Variants in CDH8 observed in about 807,000 individuals in gnomAD.
CDH8 encodes the protein cadherin 8.
A neutral mutation model predicts 68.1 loss-of-function variants in CDH8; 17 were observed. The ratio of observed to expected loss-of-function variants is 0.25; its 90% CI spans 0.17 to 0.37. The LOEUF is 0.37. Ranked by LOEUF, CDH8 falls within the 10% of genes least tolerant of loss-of-function variation. The pLI, the probability that CDH8 is intolerant of heterozygous loss-of-function variation, is 1.00. For synonymous variants in CDH8, 372 were observed against 365.1 expected, an observed-to-expected ratio of 1.02 and a Z score of -0.21; for missense variants, 763 against 999.3, an observed-to-expected ratio of 0.76 and a Z score of 3.19.
chr16:61,838,368 G>A (rs533142855), intron 4 of CDH8, among the ~76,000 whole-genome samples: 2 of 152,214 alleles, frequency 1.3e-5, no homozygotes, highest in East Asian at 3.9e-4. Context: ...GGATATTGAA[G>A]TTCCACCTTT....
intron 2 of CDH8, among the ~76,000 whole-genome samples, chr16:61,999,812 T>G (rs1453830562): frequency 6.6e-6 from 1 of 152,126 alleles, no homozygotes; most frequent in East Asian, 1.9e-4. Context: ...TATTTTACTT[T>G]AAGTCCTGGG....
Position 62,034,404 on chromosome 16 carries a change from T to C in CDH8, c.-200+1676A>G, listed in dbSNP as rs2150625830. On this transcript the variant is annotated intron_variant, in intron 1 of 11. Coordinates refer to ENST00000577390, the MANE Select transcript of CDH8 (RefSeq NM_001796.5). ...CATAAACATCTTTCCCACATATAGT[T>C]TTCCAGTTGAAAAGCTCCTATAATA... Among the ~76,000 whole-genome samples, 2 of 152,262 alleles carry C rather than the reference T, an allele frequency of 1.3e-5. 1 individual carries two copies. The highest frequency in any genetic ancestry group is 4.1e-4 in the South Asian group (2 of 4,822).
chr16:61,995,271 G>T (rs1441315140), intron 2 of CDH8, among the ~76,000 whole-genome samples: 1 of 152,124 alleles, frequency 6.6e-6, no homozygotes, highest in African/African-American at 2.4e-5. Context: ...AAAACAAATT[G>T]TTTAGAGGCT....
chr16:61,928,697 G>A (rs552230486), intron 2 of CDH8, among the ~76,000 whole-genome samples: 9 of 152,146 alleles, frequency 5.9e-5, no homozygotes, highest in African/African-American at 1.9e-4. Context: ...CTATGAAAAT[G>A]GGTGATATAA....
chr16:61,760,345 T>C (rs1960431231), intron 8 of CDH8, among the ~76,000 whole-genome samples: 2 of 151,788 alleles, frequency 1.3e-5, no homozygotes, highest in South Asian at 4.2e-4. Context: ...AGAGTCTCAC[T>C]CAGTCGCCCA....
chr16:61,883,241 C>G (rs746840027), intron 3 of CDH8, among the ~76,000 whole-genome samples: 3 of 152,114 alleles, frequency 2.0e-5, no homozygotes, highest in Non-Finnish European at 4.4e-5. Flanking sequence ...GCAGGGCACT[C>G]TAGGTATGCA....
chr16:61,714,658 T>C (rs1964690541), intron 9 of CDH8, among the ~76,000 whole-genome samples: 1 of 151,634 alleles, frequency 6.6e-6, no homozygotes, highest in African/African-American at 2.4e-5. Flanking sequence ...AAAGCTGCAT[T>C]AACTTAATGC....
At chr16:61,726,159 A>T (rs1959359304) in intron 9 of CDH8, 1 of 150,964 alleles carries the variant, frequency 6.6e-6, no homozygotes, top group Admixed American at 6.6e-5. Context: ...GAATAGTTGG[A>T]TTAACAACTC....
intron 8 of CDH8, among the ~76,000 whole-genome samples, chr16:61,730,533 G>T (rs1003465260): frequency 2.0e-5 from 3 of 151,232 alleles, no homozygotes; most frequent in African/African-American, 4.8e-5. Flanking sequence ...TTTATAGTTC[G>T]GTGAGAAACT....
At chr16:62,032,750 A>G (rs1234713376) in intron 1 of CDH8, among the ~76,000 whole-genome samples, 1 of 152,204 alleles carries the variant, frequency 6.6e-6, no homozygotes, top group East Asian at 1.9e-4. Flanking sequence ...ATTGAATGTC[A>G]CTTTACCCCT....
rs375020129 is a variant in CDH8 at position 61,711,648 on chromosome 16, T to C, written c.1654+2193A>G. 124 of 151,900 alleles carry C rather than the reference T, an allele frequency of 8.2e-4. 1 individual carries two copies. Among genetic ancestry groups the C allele is most frequent in the African/African-American group, 2.9e-3 (119 of 41,520 alleles). The allele number at this position is 151,900 out of a possible 1,614,324, so 9.4% of individuals were successfully genotyped here. A position where few individuals can be genotyped will look rare whatever the true frequency, so the allele number is the denominator to read the frequency against. On this transcript the variant is annotated intron_variant, in intron 10 of 11. Coordinates refer to ENST00000577390, the MANE Select transcript of CDH8 (RefSeq NM_001796.5). Reference sequence around the variant, plus strand: ...CTATGAAGCAAAACTCATGGATTTCTGATCTAGGAAGAGGAACATAGAGTA... The same window carrying C: ...CTATGAAGCAAAACTCATGGATTTCCGATCTAGGAAGAGGAACATAGAGTA...
intron 2 of CDH8, among the ~76,000 whole-genome samples, chr16:61,974,863 C>A (rs1274870173): frequency 6.6e-6 from 1 of 152,092 alleles, no homozygotes; most frequent in Non-Finnish European, 1.5e-5. Context: ...GTCCCCTAGT[C>A]CTCAGTGCCC....
chr16:61,957,438 A>C (rs952897749), intron 2 of CDH8, among the ~76,000 whole-genome samples: 8 of 152,218 alleles, frequency 5.3e-5, no homozygotes, highest in African/African-American at 1.9e-4. Context: ...TCAGAGTCAC[A>C]GTTTGTATGA....
chr16:61,735,823 C>T (rs1370734723), intron 8 of CDH8, among the ~76,000 whole-genome samples: 1 of 151,970 alleles, frequency 6.6e-6, no homozygotes, highest in Non-Finnish European at 1.5e-5. Context: ...ACCTGTAATC[C>T]CAGCACTTTG....
chr16:61,669,595 G>C (rs183739593), intron 10 of CDH8, among the ~76,000 whole-genome samples: 42 of 152,088 alleles, frequency 2.8e-4, no homozygotes, highest in Non-Finnish European at 5.1e-4. Flanking sequence ...CCCAGAAGGA[G>C]AAAACAGACT....
chr16:61,960,238 C>CGTGTGTGTGT lies in CDH8; in HGVS notation c.253-58766_253-58765insACACACACAC, dbSNP rs1965106574. Among the ~76,000 whole-genome samples the CGTGTGTGTGT allele has an allele frequency of 8.7e-5, 4 of 45,746 alleles. 1 individual carries two copies. Among genetic ancestry groups the CGTGTGTGTGT allele is most frequent in the Admixed American group, 4.3e-4 (2 of 4,690 alleles). The allele number at this position is 45,746 out of a possible 152,430, so 30.0% of individuals were successfully genotyped here. ...GTGTGTGTGTATACACACATATATACATGTGTGTGTGTATACACATACATA... is the reference window on the plus strand; with the variant it reads ...GTGTGTGTGTATACACACATATATACGTGTGTGTGTATGTGTGTGTGTATACACATACATA... On this transcript the variant is annotated intron_variant, in intron 2 of 11. Coordinates refer to ENST00000577390, the MANE Select transcript of CDH8 (RefSeq NM_001796.5).
rs76963801 is a variant in CDH8 at position 61,662,475 on chromosome 16, T to C, written c.1655-6754A>G. On this transcript the variant is annotated intron_variant, in intron 10 of 11. Coordinates refer to ENST00000577390, the MANE Select transcript of CDH8 (RefSeq NM_001796.5). ...AATGATCACTGAATCCATAGTTACATACTACATTATTTTAAAAAAAGAAAT... is the reference window on the plus strand; with the variant it reads ...AATGATCACTGAATCCATAGTTACACACTACATTATTTTAAAAAAAGAAAT... 6.6e-4 allele frequency among the ~76,000 whole-genome samples: 100 copies of C among 151,876 alleles called. 1 individual carries two copies. The East Asian group carries it at 0.018, about 27-fold the overall frequency.
At chr16:61,865,667 T>A (rs1011944124) in intron 3 of CDH8, among the ~76,000 whole-genome samples, 2 of 152,214 alleles carry the variant, frequency 1.3e-5, no homozygotes, top group Non-Finnish European at 2.9e-5. Flanking sequence ...TCCATGTGCA[T>A]AAATACACCT....
chr16:61,713,807 A>G (rs1158879984), intron 10 of CDH8, 34 bp downstream of exon 10: 2 of 1,115,062 alleles, frequency 1.8e-6, no homozygotes, highest in South Asian at 1.3e-5. Flanking sequence ...TCCAATTTAT[A>G]TTGTACTCTG....
Sources: allele counts gnomAD v4.1 joint callset (sites outside exome capture counted in the v4.1 genomes callset), GRCh38; gene constraint gnomAD v4.1.1; transcripts MANE v1.5; gene names NCBI Gene and HGNC (gene_info 2026-07-23, HGNC 2026-07-21).